The following CLVS1 variants were observed in gnomAD, a reference collection of about 807,000 sequenced individuals.
CLVS1 encodes clavesin 1, also known as clavesin-1.
CLVS1 carries 10 observed loss-of-function variants against 33.1 expected under a neutral mutation model. The ratio of observed to expected loss-of-function variants is 0.30; its 90% CI spans 0.19 to 0.51. The LOEUF is 0.51. CLVS1 is among the 20% of genes least tolerant of loss of function. The pLI is 0.97. For synonymous variants in CLVS1, 163 were observed against 166.1 expected, an observed-to-expected ratio of 0.98 and a Z score of 0.14; for missense variants, 343 against 433.4, an observed-to-expected ratio of 0.79 and a Z score of 1.85.
chr8:61,247,346 G>T (rs1808836315), intron 2 of CLVS1, among the ~76,000 whole-genome samples: 1 of 152,074 alleles, frequency 6.6e-6, no homozygotes, highest in Non-Finnish European at 1.5e-5. Flanking sequence ...TGGTAGTTCT[G>T]CTTTTAGCTC....
intron 2 of CLVS1, among the ~76,000 whole-genome samples, chr8:61,264,473 G>C (rs187209074): frequency 6.6e-6 from 1 of 152,276 alleles, no homozygotes; most frequent in South Asian, 2.1e-4. Flanking sequence ...TCTTTTAACA[G>C]CAGGAGTAAA....
At chr8:61,429,321 G>A (rs924381160) in intron 3 of CLVS1, among the ~76,000 whole-genome samples, 2 of 150,820 alleles carry the variant, frequency 1.3e-5, no homozygotes, top group African/African-American at 4.9e-5. Flanking sequence ...ATGGGAGGCT[G>A]AGGCAGGAGA....
At chr8:61,114,583 A>G (rs1805684290) in intron 1 of CLVS1, among the ~76,000 whole-genome samples, 1 of 152,142 alleles carries the variant, frequency 6.6e-6, no homozygotes, top group South Asian at 2.1e-4. Flanking sequence ...GCTACACTAC[A>G]TTTCTTCCCC....
intron 2 of CLVS1, among the ~76,000 whole-genome samples, chr8:61,365,206 A>G (rs1172336818): frequency 1.3e-5 from 2 of 152,218 alleles, no homozygotes; most frequent in Non-Finnish European, 2.9e-5. Context: ...GGTAGTGACT[A>G]GCACATTTCC....
chr8:61,470,403 G>A (rs1293610605), intron 5 of CLVS1, among the ~76,000 whole-genome samples: 1 of 152,152 alleles, frequency 6.6e-6, no homozygotes, highest in Non-Finnish European at 1.5e-5. Flanking sequence ...GGAAATGAAC[G>A]GATGTGAATA....
At chr8:61,072,542 A>C (rs1178434371) in intron 1 of CLVS1, among the ~76,000 whole-genome samples, 2 of 152,246 alleles carry the variant, frequency 1.3e-5, no homozygotes, top group Non-Finnish European at 2.9e-5. Flanking sequence ...TACTTAAAAG[A>C]AAAGCAACGA....
intron 1 of CLVS1, among the ~76,000 whole-genome samples, chr8:61,079,409 T>C (rs2129282182): frequency 6.6e-6 from 1 of 152,312 alleles, no homozygotes; most frequent in African/African-American, 2.4e-5. Context: ...TAAACTGCAA[T>C]CCACTTTTTG....
At chr8:61,040,147 A>T in the CLVS1 span, among the ~76,000 whole-genome samples, 1 of 152,220 alleles carries the variant, frequency 6.6e-6, no homozygotes, top group Non-Finnish European at 1.5e-5. Context: ...CTCCAGCTAC[A>T]TCCATATTTC....
chr8:61,300,680 A>G (rs1810395893), intron 2 of CLVS1: 1 of 162,008 alleles, frequency 6.2e-6, no homozygotes, highest in South Asian at 1.8e-4. Context: ...GATCCTCTCC[A>G]TGACTTGAAT....
At chr8:61,191,568 AAAGAGG>A (rs1807478782) in intron 2 of CLVS1, among the ~76,000 whole-genome samples, 1 of 152,214 alleles carries the variant, frequency 6.6e-6, no homozygotes. Context: ...TCAGTTAGGA[AAAGAGG>A]AAGTCAAATT....
intron 5 of CLVS1, among the ~76,000 whole-genome samples, chr8:61,489,634 A>C: frequency 6.6e-6 from 1 of 152,242 alleles, no homozygotes; most frequent in East Asian, 1.9e-4. Context: ...GCATGTAGTA[A>C]GTGTTCAACA....
At chr8:60,988,568 G>T in the CLVS1 span, among the ~76,000 whole-genome samples, 4 of 152,040 alleles carry the variant, frequency 2.6e-5, no homozygotes, top group Non-Finnish European at 5.9e-5. Context: ...GCTAGCCAGA[G>T]CAATAAAATT....
chr8:61,182,474 C>A (rs1807257650), intron 2 of CLVS1, among the ~76,000 whole-genome samples: 1 of 151,988 alleles, frequency 6.6e-6, no homozygotes, highest in African/African-American at 2.4e-5. Context: ...GGACCTTAAA[C>A]AAATTTATGA....
intron 2 of CLVS1, among the ~76,000 whole-genome samples, chr8:61,233,710 C>T (rs1372641847): frequency 6.6e-6 from 1 of 152,210 alleles, no homozygotes; most frequent in South Asian, 2.1e-4. Context: ...GCAGCCTGCC[C>T]TCCTGGCTGG....
intron 1 of CLVS1, chr8:61,291,935 G>A (rs115667709): frequency 0.011 from 1,969 of 179,918 alleles, 53 homozygotes; most frequent in African/African-American, 0.044. Context: ...CCTCTGGGTC[G>A]TTATAAATCC....
At chr8:61,091,808 A>G (rs1805255223) in intron 1 of CLVS1, among the ~76,000 whole-genome samples, 2 of 152,212 alleles carry the variant, frequency 1.3e-5, no homozygotes, top group Admixed American at 1.3e-4. Flanking sequence ...CCTTTGCCAA[A>G]ATGTCAGAAA....
upstream of CLVS1, among the ~76,000 whole-genome samples, chr8:61,053,231 C>A (rs1331884693): frequency 1.3e-5 from 2 of 152,064 alleles, no homozygotes; most frequent in African/African-American, 4.8e-5. Flanking sequence ...GTGCCCACAG[C>A]AAGTAGATGG....
At chr8:61,202,829 CTGATGAAGATGATGATGA>C in intron 2 of CLVS1, 3 of 1,078,550 alleles carry the variant, frequency 2.8e-6, no homozygotes, top group Admixed American at 3.5e-5. Flanking sequence ...AAACTTGCTG[CTGATGAAGATGATGATGA>C]TGATGAAGAA....
chr8:61,235,931 A>T (rs187092657), intron 2 of CLVS1, among the ~76,000 whole-genome samples: 1 of 152,322 alleles, frequency 6.6e-6, no homozygotes, highest in East Asian at 1.9e-4. Flanking sequence ...CATCTGGCAC[A>T]TGGTTAGATG....
Sources: allele counts gnomAD v4.1 joint callset (sites outside exome capture counted in the v4.1 genomes callset), GRCh38; gene constraint gnomAD v4.1.1; transcripts MANE v1.5; gene names NCBI Gene and HGNC (gene_info 2026-07-23, HGNC 2026-07-21).